KIAA1217: variants seen among roughly 807,000 people sequenced by gnomAD.
The protein encoded by KIAA1217 is KIAA1217.
Under a neutral mutation model 163.9 loss-of-function variants are expected in KIAA1217, and 88 were observed. The ratio of observed to expected loss-of-function variants is 0.54; its 90% CI spans 0.45 to 0.64. KIAA1217 has a LOEUF of 0.64. Ranked by LOEUF, KIAA1217 falls within the 30% of genes least tolerant of loss-of-function variation. The probability of loss-of-function intolerance (pLI) is 0.00; values close to 1 mark genes in which losing one functional copy is unlikely to be tolerated. For synonymous variants in KIAA1217, 903 were observed against 923.1 expected, an observed-to-expected ratio of 0.98 and a Z score of 0.39; for missense variants, 2,372 against 2,475.0, an observed-to-expected ratio of 0.96 and a Z score of 0.88.
At chr10:24,313,675 TTGAG>T (rs1293084664) in intron 2 of KIAA1217, among the ~76,000 whole-genome samples, 1 of 152,092 alleles carries the variant, frequency 6.6e-6, no homozygotes, top group African/African-American at 2.4e-5. Flanking sequence ...TGTGTTTATT[TTGAG>T]TGTTTATAGA....
At chr10:23,893,327 C>T (rs571229278) in intron 1 of KIAA1217, among the ~76,000 whole-genome samples, 102 of 152,024 alleles carry the variant, frequency 6.7e-4, no homozygotes, top group African/African-American at 2.0e-3. Flanking sequence ...TCTGTGGGAT[C>T]GATGGTGATA....
chr10:24,040,005 A>T (rs1848565065), intron 2 of KIAA1217, among the ~76,000 whole-genome samples: 1 of 152,224 alleles, frequency 6.6e-6, no homozygotes, highest in Non-Finnish European at 1.5e-5. Context: ...GTGCTATAAT[A>T]AGACGTCATT....
At chr10:24,371,956 A>C (rs768323107) in intron 2 of KIAA1217, among the ~76,000 whole-genome samples, 1 of 152,190 alleles carries the variant, frequency 6.6e-6, no homozygotes, top group African/African-American at 2.4e-5. Context: ...CAGAACAGAA[A>C]ACCCAATGCA....
chr10:23,863,429 T>C (rs1229214266), intron 1 of KIAA1217, among the ~76,000 whole-genome samples: 1 of 152,166 alleles, frequency 6.6e-6, no homozygotes, highest in Non-Finnish European at 1.5e-5. Flanking sequence ...TTTAATGAGA[T>C]TAAGACCCTT....
chr10:24,458,621 A>G (rs2062040394), intron 5 of KIAA1217, among the ~76,000 whole-genome samples: 1 of 152,126 alleles, frequency 6.6e-6, no homozygotes, highest in Non-Finnish European at 1.5e-5. Context: ...TTCAGGTAAG[A>G]TATTTGAAGT....
At chr10:24,380,357 G>A (rs1017457349) in intron 2 of KIAA1217, among the ~76,000 whole-genome samples, 25 of 152,074 alleles carry the variant, frequency 1.6e-4, no homozygotes, top group Non-Finnish European at 1.6e-4. Context: ...CAGGTGCAGC[G>A]GGTCACGCCT....
intron 2 of KIAA1217, among the ~76,000 whole-genome samples, chr10:24,318,904 C>T (rs76650519): frequency 0.015 from 2,213 of 152,236 alleles, 18 homozygotes; most frequent in Middle Eastern, 0.024. Context: ...TTAAAATATC[C>T]CTCAGTGCCT....
chr10:24,521,748 C>G (rs1267397249), intron 11 of KIAA1217, 34 bp from the exon 12 acceptor site: 2 of 1,599,110 alleles, frequency 1.3e-6, no homozygotes, highest in Non-Finnish European at 1.7e-6. Context: ...CTGGCTTTTT[C>G]TCCTCCAATT....
chr10:24,377,493 G>C (rs2052669814), intron 2 of KIAA1217, among the ~76,000 whole-genome samples: 1 of 152,136 alleles, frequency 6.6e-6, no homozygotes, highest in Non-Finnish European at 1.5e-5. Context: ...GAGGCAAAAT[G>C]AGAACACTAA....
intron 5 of KIAA1217, among the ~76,000 whole-genome samples, chr10:24,454,435 T>C (rs2061614307): frequency 6.6e-6 from 1 of 152,238 alleles, no homozygotes; most frequent in African/African-American, 2.4e-5. Context: ...TTTCACTCTT[T>C]GAAACTGTTC....
rs532574711 is a variant in KIAA1217, at chr10:24,529,481, G to A, written c.3082+1362G>A. 3.6e-4 allele frequency among the ~76,000 whole-genome samples: 54 copies of A among 152,042 alleles called. No homozygotes were observed. In the South Asian group the frequency reaches 0.011, roughly 30 times the overall value. On this transcript the variant is annotated intron_variant, in intron 14 of 20. Transcript: ENST00000376454. ...ATTCAAGTTTTATTTTTTGGAATGTGGAGGGAATTTATATATATATATATA... is the reference window on the plus strand; with the variant it reads ...ATTCAAGTTTTATTTTTTGGAATGTAGAGGGAATTTATATATATATATATA...
rs13376799 is a variant in KIAA1217 at position 24,351,981 on chromosome 10, C to T, written c.355-28888C>T. On this transcript the variant is annotated intron_variant, in intron 2 of 20. Transcript: ENST00000376454. ...GGGCAGGACAGGACTCTACATATGC[C>T]GGTGTCTGTTAACACAATGGGGAAC... 3.0e-3 allele frequency among the ~76,000 whole-genome samples: 462 copies of T among 152,340 alleles called. 3 individuals carry two copies. Among genetic ancestry groups the T allele is most frequent in the African/African-American group, 0.01 (423 of 41,580 alleles).
intron 3 of KIAA1217, among the ~76,000 whole-genome samples, chr10:24,423,560 C>T (rs1200563665): frequency 1.3e-5 from 2 of 151,972 alleles, no homozygotes; most frequent in East Asian, 1.9e-4. Context: ...CCCAGGTTCA[C>T]GTGATTCTCC....
chr10:24,131,237 G>A (rs548327473), intron 2 of KIAA1217, among the ~76,000 whole-genome samples: 1 of 152,068 alleles, frequency 6.6e-6, no homozygotes, highest in Non-Finnish European at 1.5e-5. Flanking sequence ...GCTGTTCTTC[G>A]ATTACGTGGT....
At chr10:24,269,730 A>G (rs977258263) in intron 2 of KIAA1217, among the ~76,000 whole-genome samples, 1 of 152,188 alleles carries the variant, frequency 6.6e-6, no homozygotes, top group Non-Finnish European at 1.5e-5. Context: ...GCAACCCTTC[A>G]TCATCTAACA....
At chr10:24,283,776 T>G (rs60833116) in intron 2 of KIAA1217, among the ~76,000 whole-genome samples, 47,997 of 152,206 alleles carry the variant, frequency 0.32, 8,258 homozygotes, top group Admixed American at 0.47. Context: ...CTCTGCATCC[T>G]GGTCAGCATT....
At position 24,382,859 on chromosome 10, in the gene KIAA1217, T is replaced by C. The variant is rs2053502397; in HGVS notation, c.553+1792T>C. ...TTTTTCTTTTCTTTTTTTTTTTTTT[T>C]TTTCTTGAGACAGAGTTTTGCTCTG... On this transcript the variant is annotated intron_variant, in intron 3 of 20. Coordinates refer to ENST00000376454, the MANE Select transcript of KIAA1217 (RefSeq NM_019590.5). 3.4e-5 allele frequency among the ~76,000 whole-genome samples: 5 copies of C among 148,138 alleles called. No individual in the cohort carries two copies. The South Asian group carries it at 1.1e-3, about 32-fold the overall frequency.
intron 1 of KIAA1217, among the ~76,000 whole-genome samples, chr10:23,894,898 T>C (rs1342107879): frequency 4.6e-5 from 7 of 151,858 alleles, no homozygotes; most frequent in Non-Finnish European, 1.0e-4. Context: ...GGAAAGGATT[T>C]CCTATTTAAT....
At position 23,749,609 on chromosome 10, in the gene KIAA1217, G is replaced by T. The variant is rs141908407; in HGVS notation, c.-321+54375G>T. 6.9e-3 allele frequency among the ~76,000 whole-genome samples: 1,053 copies of T among 152,258 alleles called. 15 individuals are homozygous for T. The highest frequency in any genetic ancestry group is 0.024 in the African/African-American group (1,003 of 41,546). On this transcript the variant is annotated intron_variant, in intron 1 of 18. Coordinates refer to the KIAA1217 transcript ENST00000376462. Reference sequence around the variant, plus strand: ...TTTTAGTAGAGATGGCATTCACCATGTTGGCCAGGATGGTCTTGATCTCTT... The same window carrying T: ...TTTTAGTAGAGATGGCATTCACCATTTTGGCCAGGATGGTCTTGATCTCTT...
Sources: allele counts gnomAD v4.1 joint callset (sites outside exome capture counted in the v4.1 genomes callset), GRCh38; gene constraint gnomAD v4.1.1; transcripts MANE v1.5; gene names NCBI Gene and HGNC (gene_info 2026-07-23, HGNC 2026-07-21).